Variants in TLK1 observed in about 807,000 individuals in gnomAD.
TLK1 encodes tousled like kinase 1.
Under a neutral mutation model 105.3 loss-of-function variants are expected in TLK1, and 24 were observed. The ratio of observed to expected loss-of-function variants is 0.23; its 90% CI spans 0.17 to 0.32. The LOEUF (loss-of-function observed/expected upper bound fraction) is 0.32. TLK1 is among the 10% of genes least tolerant of loss of function. TLK1 has a pLI of 1.00. For synonymous variants in TLK1, 321 were observed against 310.4 expected (o/e 1.03, Z -0.36); for missense variants, 558 against 910.5 (o/e 0.61, Z 4.98).
At chr2:171,086,350 G>C (rs567970122) in intron 2 of TLK1, among the ~76,000 whole-genome samples, 1 of 152,310 alleles carries the variant, frequency 6.6e-6, no homozygotes, top group East Asian at 1.9e-4. Flanking sequence ...CAGAGGCTGG[G>C]TGCAGTGGCT....
intron 1 of TLK1, among the ~76,000 whole-genome samples, chr2:171,220,923 C>T (rs1186740231): frequency 2.6e-5 from 4 of 152,024 alleles, no homozygotes; most frequent in African/African-American, 4.8e-5. Flanking sequence ...GCCAGGCTCA[C>T]GTCTGTAATC....
intron 10 of TLK1, among the ~76,000 whole-genome samples, chr2:171,048,795 G>C (rs1401241297): frequency 6.6e-6 from 1 of 152,210 alleles, no homozygotes; most frequent in East Asian, 1.9e-4. Flanking sequence ...GATACCATGT[G>C]AAAGTAAGTT....
chr2:171,134,273 A>C (rs1691217553), intron 1 of TLK1, among the ~76,000 whole-genome samples: 1 of 152,194 alleles, frequency 6.6e-6, no homozygotes, highest in Admixed American at 6.5e-5. Flanking sequence ...TGGAATGGTC[A>C]GCTTCTCTAT....
chr2:171,078,542 GA>G lies in TLK1; in HGVS notation c.330+4238del, dbSNP rs374748920. On this transcript the variant is annotated intron_variant, in intron 3 of 20. Coordinates refer to ENST00000431350, the MANE Select transcript of TLK1 (RefSeq NM_012290.5). ...AACAGGCGAGACTCCGTCTCAAAAA[GA>G]AAAAAAAAAAATCTAATGAAATCTA... Among the ~76,000 whole-genome samples the G allele has an allele frequency of 8.3e-3, 1,166 of 140,338 alleles. 10 individuals are homozygous for G. The highest frequency in any genetic ancestry group is 0.028 in the African/African-American group (1,057 of 38,390). 92.1% of individuals were successfully genotyped at this position (140,338 alleles called of 152,430 possible).
chr2:171,055,261 A>T, intron 6 of TLK1, 89 bp from the exon 7 acceptor site: 1 of 777,778 alleles, frequency 1.3e-6, no homozygotes, highest in Non-Finnish European at 1.9e-6. Flanking sequence ...ACAATTACTT[A>T]ACATTTCTGA....
intron 1 of TLK1, among the ~76,000 whole-genome samples, chr2:171,200,868 G>T (rs1334896282): frequency 6.8e-6 from 1 of 147,546 alleles, no homozygotes; most frequent in Non-Finnish European, 1.5e-5. Context: ...TAGGCACTTG[G>T]CTCAGATCCC....
rs368155708 is a variant in TLK1, at chr2:171,156,172, T to C, written c.139+4118A>G. Among the ~76,000 whole-genome samples, 627 of 152,320 alleles carry C rather than the reference T, an allele frequency of 4.1e-3. 2 individuals carry two copies. Among genetic ancestry groups the C allele is most frequent in the African/African-American group, 0.014 (581 of 41,556 alleles). On this transcript the variant is annotated intron_variant, in intron 1 of 20. Transcript: ENST00000431350. ...CTCTTTCCTTTTCCAACCATATATCTACATGAAGCTGGATTCTCTTCACAT... is the reference window on the plus strand; with the variant it reads ...CTCTTTCCTTTTCCAACCATATATCCACATGAAGCTGGATTCTCTTCACAT...
intron 1 of TLK1, among the ~76,000 whole-genome samples, chr2:171,157,067 A>C (rs1347895026): frequency 3.3e-5 from 5 of 152,166 alleles, no homozygotes; most frequent in Non-Finnish European, 5.9e-5. Flanking sequence ...AGGCCTCCCA[A>C]AGTGCTGGGA....
intron 1 of TLK1, among the ~76,000 whole-genome samples, chr2:171,131,281 T>G (rs1691097779): frequency 1.3e-5 from 2 of 152,130 alleles, no homozygotes; most frequent in African/African-American, 2.4e-5. Flanking sequence ...GTTCATATGG[T>G]TCAACCTAAT....
chr2:171,011,472 A>G lies in TLK1; in HGVS notation c.1335-18T>C. 6.2e-7 allele frequency: 1 copy of G among 1,600,706 alleles called. No homozygotes were observed. The highest frequency in any genetic ancestry group is 8.5e-7 in the Non-Finnish European group (1 of 1,172,668). On this transcript the variant is annotated intron_variant, in intron 13 of 20. Coordinates refer to ENST00000431350, the MANE Select transcript of TLK1 (RefSeq NM_012290.5). ...CTTTGAACCTTAGAGGTGGGGGCAA[A>G]AAACAGACATATTAAAACACACACA...
rs556448877 is a variant in TLK1, at chr2:171,034,971, G to C, written c.1170-6566C>G. The stretch of plus-strand genomic sequence containing the variant: ...GGGAGGGACCTGGTGGGAGGTAACT[G>C]AATCATGGGGGCAGGTCTTTCCCAT... On this transcript the variant is annotated intron_variant, in intron 11 of 20. Transcript: ENST00000431350. 3.9e-5 allele frequency among the ~76,000 whole-genome samples: 6 copies of C among 152,194 alleles called. No homozygotes were observed. The South Asian group carries it at 1.2e-3, about 32-fold the overall frequency.
At chr2:171,160,952 C>T, upstream of TLK1, 1 of 197,366 alleles carries the variant, frequency 5.1e-6, no homozygotes, top group African/African-American at 2.5e-5. This position sits in a 1 kb window ranked among gnomAD's most constrained non-coding sequence, Gnocchi z 4.4. Flanking sequence ...TCGCGAGGCT[C>T]CTGCGCCTCC....
chr2:171,141,437 G>A (rs1278150084), intron 1 of TLK1, among the ~76,000 whole-genome samples: 3 of 152,086 alleles, frequency 2.0e-5, no homozygotes, highest in South Asian at 2.1e-4. Flanking sequence ...GCAGTCCTAC[G>A]TCACAGTTAT....
intron 4 of TLK1, chr2:171,059,774 G>A: frequency 1.6e-6 from 1 of 623,426 alleles, no homozygotes; most frequent in Admixed American, 2.3e-5. Flanking sequence ...CAGATCATCA[G>A]GCATTAGATT....
rs200924825 is a variant in TLK1 at position 171,059,867 on chromosome 2, C to T, written c.406+1214G>A. 8.2e-4 allele frequency: 726 copies of T among 888,134 alleles called. 1 individual carries two copies. The highest frequency in any genetic ancestry group is 6.0e-3 in the Middle Eastern group (22 of 3,656). 55.0% of individuals were successfully genotyped at this position (888,134 alleles called of 1,614,324 possible). The stretch of plus-strand genomic sequence containing the variant: ...CACTCCTATGAGAATCTAACGCTGC[C>T]GCTGATCTGACAGGAGGCCGAGCTT... On this transcript the variant is annotated intron_variant, in intron 4 of 20. Transcript: ENST00000431350.
intron 1 of TLK1, among the ~76,000 whole-genome samples, chr2:171,123,087 CTT>C (rs1690725887): frequency 2.6e-5 from 4 of 151,250 alleles, no homozygotes; most frequent in Non-Finnish European, 4.4e-5. Flanking sequence ...CACACACACA[CTT>C]CTTTTTTTAA....
At chr2:170,998,761 C>A (rs1162433939) in intron 18 of TLK1, among the ~76,000 whole-genome samples, 9 of 152,114 alleles carry the variant, frequency 5.9e-5, no homozygotes, top group Admixed American at 3.3e-4. Flanking sequence ...TATGTAAGTC[C>A]TATTTATAAG....
At chr2:171,186,519 A>G (rs1211351312) in intron 1 of TLK1, among the ~76,000 whole-genome samples, 1 of 152,166 alleles carries the variant, frequency 6.6e-6, no homozygotes, top group African/African-American at 2.4e-5. Context: ...CTGACCAAGA[A>G]TTATCCTGCC....
rs771492045 is a variant in TLK1, at chr2:171,105,361, C to T, written c.258+12378G>A. On this transcript the variant is annotated intron_variant, in intron 2 of 20. Coordinates refer to ENST00000431350, the MANE Select transcript of TLK1 (RefSeq NM_012290.5). ...ACATCTCTTGAAAGAAGTAACCATACAAAAACCATACAAATTTTAACAGGT... is the reference window on the plus strand; with the variant it reads ...ACATCTCTTGAAAGAAGTAACCATATAAAAACCATACAAATTTTAACAGGT... Among the ~76,000 whole-genome samples, 172 of 152,316 alleles carry T rather than the reference C, an allele frequency of 1.1e-3. 1 individual carries two copies. Among genetic ancestry groups the T allele is most frequent in the Non-Finnish European group, 1.7e-3 (119 of 68,022 alleles).
Sources: allele counts gnomAD v4.1 joint callset (sites outside exome capture counted in the v4.1 genomes callset), GRCh38; gene constraint gnomAD v4.1.1; non-coding constraint Gnocchi (gnomAD v3.1); transcripts MANE v1.5; gene names NCBI Gene and HGNC (gene_info 2026-07-23, HGNC 2026-07-21).